NEGR1: variants seen among roughly 807,000 people sequenced by gnomAD.
NEGR1 encodes the protein neuronal growth regulator 1.
NEGR1 carries 10 observed loss-of-function variants against 40.9 expected under a neutral mutation model. The ratio of observed to expected loss-of-function variants is 0.24; its 90% confidence interval spans 0.15 to 0.42. The LOEUF is 0.42. NEGR1 is among the 10% of genes least tolerant of loss of function. The pLI is 1.00. For synonymous variants in NEGR1, 185 were observed against 166.8 expected, an observed-to-expected ratio of 1.11 and a Z score of -0.84; for missense variants, 352 against 438.9, an observed-to-expected ratio of 0.80 and a Z score of 1.77.
intron 2 of NEGR1, among the ~76,000 whole-genome samples, chr1:71,905,501 C>T (rs891967361): frequency 6.6e-6 from 1 of 151,732 alleles, no homozygotes; most frequent in Admixed American, 6.6e-5. Flanking sequence ...AGAATCTAAT[C>T]CTTAGAACAA....
At chr1:71,781,748 A>T (rs191328691) in intron 2 of NEGR1, among the ~76,000 whole-genome samples, 5 of 152,308 alleles carry the variant, frequency 3.3e-5, no homozygotes, top group Non-Finnish European at 7.3e-5. Flanking sequence ...TCATTCTCTG[A>T]AGTTGTAGAC....
intron 2 of NEGR1, among the ~76,000 whole-genome samples, chr1:71,806,533 T>C (rs1403952855): frequency 6.6e-6 from 1 of 152,120 alleles, no homozygotes; most frequent in Non-Finnish European, 1.5e-5. Flanking sequence ...GTATTTTTCT[T>C]TCTTTACCTA....
chr1:72,240,741 C>T (rs555348239), intron 1 of NEGR1, among the ~76,000 whole-genome samples: 1 of 151,838 alleles, frequency 6.6e-6, no homozygotes, highest in Non-Finnish European at 1.5e-5. Flanking sequence ...GAAAGTTAGC[C>T]AAAGCTTTTG....
At chr1:71,936,113 T>C (rs1645903613) in intron 1 of NEGR1, among the ~76,000 whole-genome samples, 1 of 152,158 alleles carries the variant, frequency 6.6e-6, no homozygotes, top group African/African-American at 2.4e-5. Context: ...AGGGTTTACT[T>C]TTAAAATAGC....
At chr1:72,203,411 G>A (rs1415263864) in intron 1 of NEGR1, among the ~76,000 whole-genome samples, 1 of 152,092 alleles carries the variant, frequency 6.6e-6, no homozygotes, top group African/African-American at 2.4e-5. Context: ...ACTAGAAATA[G>A]AAGTGGAGGC....
intron 6 of NEGR1, among the ~76,000 whole-genome samples, chr1:71,566,222 T>C (rs1424340474): frequency 6.6e-6 from 1 of 152,120 alleles, no homozygotes; most frequent in Non-Finnish European, 1.5e-5. Context: ...CAAACTAATA[T>C]AGATATTTAG....
At chr1:71,904,864 G>A (rs1557694957) in intron 2 of NEGR1, among the ~76,000 whole-genome samples, 1 of 152,096 alleles carries the variant, frequency 6.6e-6, no homozygotes, top group Non-Finnish European at 1.5e-5. Context: ...AGTCAGCAGT[G>A]TGGATTTTAA....
intron 1 of NEGR1, among the ~76,000 whole-genome samples, chr1:72,084,655 A>T (rs1233404388): frequency 2.0e-5 from 3 of 152,146 alleles, no homozygotes; most frequent in Non-Finnish European, 2.9e-5. Context: ...TGATGTGTTG[A>T]GTAAAGGAAT....
chr1:71,907,319 C>A (rs1661304498), intron 2 of NEGR1, among the ~76,000 whole-genome samples: 1 of 152,058 alleles, frequency 6.6e-6, no homozygotes, highest in African/African-American at 2.4e-5. Flanking sequence ...GCCAAAAACA[C>A]TGAATATAAC....
At chr1:71,427,567 T>G (rs1420633503) in intron 6 of NEGR1, among the ~76,000 whole-genome samples, 2 of 152,218 alleles carry the variant, frequency 1.3e-5, no homozygotes, top group East Asian at 3.9e-4. Flanking sequence ...GATATTTAAA[T>G]TACTAGTTAT....
chr1:71,532,874 G>A (rs1468125348), intron 6 of NEGR1, among the ~76,000 whole-genome samples: 1 of 151,592 alleles, frequency 6.6e-6, no homozygotes, highest in African/African-American at 2.4e-5. Context: ...ACCTGGACTT[G>A]TGACAGGACT....
intron 1 of NEGR1, among the ~76,000 whole-genome samples, chr1:72,064,073 GA>G (rs549581793): frequency 7.7e-4 from 114 of 147,430 alleles, no homozygotes; most frequent in East Asian, 4.6e-3. Context: ...TTAAAAAAAG[GA>G]AAAAAAAAAC....
intron 2 of NEGR1, among the ~76,000 whole-genome samples, chr1:71,934,470 A>T (rs1645885314): frequency 1.3e-5 from 2 of 152,158 alleles, no homozygotes; most frequent in African/African-American, 2.4e-5. Flanking sequence ...AAGAAATCCT[A>T]GAAGGCTGCT....
At chr1:71,689,015 T>C (rs945530839) in intron 4 of NEGR1, among the ~76,000 whole-genome samples, 3 of 152,172 alleles carry the variant, frequency 2.0e-5, no homozygotes, top group African/African-American at 7.2e-5. Flanking sequence ...ATCCCATTTT[T>C]GTCATCCTCT....
chr1:72,120,905 A>T (rs1234754687), intron 1 of NEGR1, among the ~76,000 whole-genome samples: 4 of 152,036 alleles, frequency 2.6e-5, no homozygotes, highest in Non-Finnish European at 5.9e-5. Flanking sequence ...CAATGTTGTC[A>T]TATAAAATTT....
At chr1:71,812,828 T>C (rs79362843) in intron 2 of NEGR1, among the ~76,000 whole-genome samples, 10 of 152,134 alleles carry the variant, frequency 6.6e-5, no homozygotes, top group African/African-American at 2.2e-4. Context: ...ATGAAGAGAT[T>C]GCAAAAATTT....
chr1:71,435,965 C>A (rs972735076), intron 6 of NEGR1, among the ~76,000 whole-genome samples: 1 of 152,150 alleles, frequency 6.6e-6, no homozygotes, highest in African/African-American at 2.4e-5. Context: ...GTCATGAGGA[C>A]CTTTAAAGCT....
chr1:71,717,386 T>C (rs1654312207), intron 3 of NEGR1, among the ~76,000 whole-genome samples: 1 of 152,194 alleles, frequency 6.6e-6, no homozygotes, highest in African/African-American at 2.4e-5. Flanking sequence ...AAGAATTCTT[T>C]TGTTCTTAGT....
chr1:71,974,238 C>T (rs919437399), intron 1 of NEGR1, among the ~76,000 whole-genome samples: 3 of 152,158 alleles, frequency 2.0e-5, no homozygotes, highest in African/African-American at 7.2e-5. Context: ...TACTCACTAT[C>T]TCTGTAGGGA....
Sources: gnomAD v4.1 joint callset for allele counts (sites outside exome capture counted in the v4.1 genomes callset) on GRCh38, gnomAD v4.1.1 for gene constraint, MANE v1.5 for transcripts, NCBI Gene and HGNC (gene_info 2026-07-23, HGNC 2026-07-21) for gene names.